Variants in CNTNAP3 observed in about 807,000 individuals in gnomAD.
CNTNAP3 encodes the protein contactin-associated protein-like 3.
In CNTNAP3, 36 loss-of-function variants were observed where a neutral mutation model predicts 92.1. That is an observed-to-expected ratio of 0.39 (90% CI 0.30 to 0.52). The LOEUF is 0.52. Ranked by LOEUF, CNTNAP3 falls within the 20% of genes least tolerant of loss-of-function variation. The pLI is 0.76. For missense variants in CNTNAP3, 534 were observed against 1,069.6 expected (o/e 0.50, Z 6.98); for synonymous variants, 232 against 422.3 (o/e 0.55, Z 5.53).
At chr9:39,113,569 G>T (rs1044500905) in intron 14 of CNTNAP3, among the ~76,000 whole-genome samples, 8 of 151,564 alleles carry the variant, frequency 5.3e-5, no homozygotes, top group Admixed American at 2.6e-4. Context: ...TACAATATCT[G>T]CCAGGTTTGT....
chr9:39,114,081 CTTTT>C (rs963951891), intron 14 of CNTNAP3, among the ~76,000 whole-genome samples: 3 of 130,300 alleles, frequency 2.3e-5, no homozygotes, highest in Non-Finnish European at 4.9e-5. Flanking sequence ...CACACACATA[CTTTT>C]TTTTTTTTTT....
At chr9:39,107,355 TGGGAGGGAGGAA>T (rs1224463961) in intron 15 of CNTNAP3, among the ~76,000 whole-genome samples, 1 of 101,130 alleles carries the variant, frequency 9.9e-6, no homozygotes, top group Non-Finnish European at 1.9e-5. Context: ...CCAGACTGAA[TGGGAGGGAGGAA>T]GGGAGGGAGA....
Position 39,065,861 on chromosome 9 carries a change from T to G in CNTNAP3, c.*8029A>C, listed in dbSNP as rs1825498955. Among the ~76,000 whole-genome samples, 1 of 152,166 alleles carries G rather than the reference T, an allele frequency of 6.6e-6. No homozygotes were observed. The highest frequency in any genetic ancestry group is 1.5e-5 in the Non-Finnish European group (1 of 67,996). ...TTATGAACTATATTCTGAAAAAAAT[T>G]TACAGCATTCAAATAAAGTGTTGCA... On this transcript the variant is annotated 3_prime_UTR_variant, in exon 24 of 24. Coordinates refer to ENST00000297668, the MANE Select transcript of CNTNAP3 (RefSeq NM_033655.5).
intron 13 of CNTNAP3, among the ~76,000 whole-genome samples, chr9:39,125,541 AAAC>A (rs912445775): frequency 2.0e-5 from 3 of 152,034 alleles, no homozygotes; most frequent in South Asian, 2.1e-4. Context: ...CTGTCAGAGT[AAAC>A]AACAACAACA....
intron 14 of CNTNAP3, 118 bp from the exon 15 acceptor site, chr9:39,109,405 A>G (rs1356278395): frequency 6.2e-6 from 9 of 1,458,494 alleles, no homozygotes; most frequent in Middle Eastern, 2.5e-4. Context: ...AATACTTAAC[A>G]TTTTCAATAT....
chr9:39,140,983 C>T (rs1467757460), intron 11 of CNTNAP3, among the ~76,000 whole-genome samples: 1 of 152,090 alleles, frequency 6.6e-6, no homozygotes, highest in African/African-American at 2.4e-5. Context: ...AGTGGGAATG[C>T]GATACTATCT....
At chr9:39,105,407 A>G (rs983456847) in intron 15 of CNTNAP3, among the ~76,000 whole-genome samples, 9 of 152,216 alleles carry the variant, frequency 5.9e-5, no homozygotes, top group Non-Finnish European at 1.5e-5. Context: ...AGCCTGGGTG[A>G]CAGAGCAACT....
In CNTNAP3 at chr9:39,071,544, A is replaced by C. The variant is rs1048494196; in HGVS notation, c.*2346T>G. On this transcript the variant is annotated 3_prime_UTR_variant, in exon 24 of 24. Coordinates refer to ENST00000297668, the MANE Select transcript of CNTNAP3 (RefSeq NM_033655.5). ...GCTATTTTCTTTTTTAATTTGAAGA[A>C]AAAAGTTGGGAAATTATTATGCTTT... Among the ~76,000 whole-genome samples, 4 of 151,616 alleles carry C rather than the reference A, an allele frequency of 2.6e-5. No homozygotes were observed. The highest frequency in any genetic ancestry group is 2.1e-4 in the South Asian group (1 of 4,812).
At chr9:39,142,230 A>G (rs1186209732) in intron 11 of CNTNAP3, among the ~76,000 whole-genome samples, 2 of 152,192 alleles carry the variant, frequency 1.3e-5, no homozygotes, top group African/African-American at 4.8e-5. Flanking sequence ...GCCAGGTAAC[A>G]CACAAGATTA....
chr9:39,118,633 A>G (rs2117965587), intron 13 of CNTNAP3, among the ~76,000 whole-genome samples: 1 of 152,314 alleles, frequency 6.6e-6, no homozygotes, highest in East Asian at 1.9e-4. Flanking sequence ...GTTCATTGAG[A>G]AAGTTTAATA....
At chr9:39,114,552 T>C (rs902808769) in intron 14 of CNTNAP3, among the ~76,000 whole-genome samples, 1 of 152,214 alleles carries the variant, frequency 6.6e-6, no homozygotes, top group Non-Finnish European at 1.5e-5. Flanking sequence ...TTGTATTTAC[T>C]CGGTAAATAT....
chr9:39,168,006 GT>G (rs201151152), intron 8 of CNTNAP3, among the ~76,000 whole-genome samples: 2 of 140,898 alleles, frequency 1.4e-5, no homozygotes, highest in Admixed American at 7.1e-5. Flanking sequence ...TTTACCTTGA[GT>G]TTTTTTTTGT....
In CNTNAP3 at chr9:39,135,462, C is replaced by A. The variant is rs536478187; in HGVS notation, c.1877-2327G>T. Among the ~76,000 whole-genome samples the A allele has an allele frequency of 2.0e-5, 3 of 152,046 alleles. No homozygotes were observed. The East Asian group carries it at 5.8e-4, about 29-fold the overall frequency. ...TGGCTGAGTCTGAACACACTGGAGGCTGTCTCACTAGCCCAGAAGGAGGGT... is the reference window on the plus strand; with the variant it reads ...TGGCTGAGTCTGAACACACTGGAGGATGTCTCACTAGCCCAGAAGGAGGGT... On this transcript the variant is annotated intron_variant, in intron 12 of 23. Coordinates refer to ENST00000297668, the MANE Select transcript of CNTNAP3 (RefSeq NM_033655.5).
chr9:39,114,025 CACACATATAT>C (rs1462765224), intron 14 of CNTNAP3, among the ~76,000 whole-genome samples: 257 of 135,704 alleles, frequency 1.9e-3, no homozygotes, highest in Middle Eastern at 0.011. Flanking sequence ...CATATATATA[CACACATATAT>C]ACACACACAC....
At chr9:39,109,482 T>C (rs548632145) in intron 14 of CNTNAP3, among the ~76,000 whole-genome samples, 195 bp from the exon 15 acceptor site, 56 of 152,200 alleles carry the variant, frequency 3.7e-4, no homozygotes, top group African/African-American at 1.3e-3. Context: ...TAAAGGACCA[T>C]ACAGCAAGCT....
At chr9:39,144,978 A>C (rs2118112888) in intron 10 of CNTNAP3, among the ~76,000 whole-genome samples, 1 of 147,256 alleles carries the variant, frequency 6.8e-6, no homozygotes, top group Admixed American at 6.6e-5. Context: ...AGAAAACAAA[A>C]ATCCATCCTA....
intron 17 of CNTNAP3, among the ~76,000 whole-genome samples, chr9:39,100,459 T>A (rs1206575341): frequency 6.6e-6 from 1 of 152,204 alleles, no homozygotes; most frequent in Non-Finnish European, 1.5e-5. Flanking sequence ...ATACATAATA[T>A]AAACCACATC....
intron 21 of CNTNAP3, among the ~76,000 whole-genome samples, chr9:39,082,704 C>T (rs1825975229): frequency 6.6e-6 from 1 of 152,266 alleles, no homozygotes; most frequent in Admixed American, 6.5e-5. Flanking sequence ...AAAGAACAGA[C>T]TTGCTTAGTG....
chr9:39,148,930 G>A (rs1821773197), intron 10 of CNTNAP3, among the ~76,000 whole-genome samples: 1 of 152,116 alleles, frequency 6.6e-6, no homozygotes, highest in Non-Finnish European at 1.5e-5. Context: ...ATTTTTCCAG[G>A]TGTGACCCTA....
Sources: allele counts gnomAD v4.1 joint callset (sites outside exome capture counted in the v4.1 genomes callset), GRCh38; gene constraint gnomAD v4.1.1; transcripts MANE v1.5; gene names NCBI Gene and HGNC (gene_info 2026-07-23, HGNC 2026-07-21).